Variants in PIP4K2B observed in about 807,000 individuals in gnomAD.
The protein encoded by PIP4K2B is phosphatidylinositol 5-phosphate 4-kinase type-2 beta.
A neutral mutation model predicts 42.0 loss-of-function variants in PIP4K2B; 3 were observed. That is an observed-to-expected ratio of 0.07 (90% confidence interval 0.03 to 0.18). PIP4K2B has a LOEUF of 0.18. PIP4K2B is among the 10% of genes least tolerant of loss of function. The pLI, the probability that PIP4K2B is intolerant of heterozygous loss-of-function variation, is 1.00. For missense variants in PIP4K2B, 332 were observed against 562.3 expected, an observed-to-expected ratio of 0.59 and a Z score of 4.14; for synonymous variants, 204 against 210.1, an observed-to-expected ratio of 0.97 and a Z score of 0.25.
chr17:38,774,853 G>A (rs1028809530), intron 7 of PIP4K2B, among the ~76,000 whole-genome samples: 2 of 152,158 alleles, frequency 1.3e-5, no homozygotes, highest in African/African-American at 4.8e-5. Flanking sequence ...TGTTTCTCTG[G>A]AGAACCCCAA....
intron 1 of PIP4K2B, among the ~76,000 whole-genome samples, chr17:38,794,609 T>TAAAAAAAAAAAAAAAAAAAAAAAAA (rs34374571): frequency 2.9e-5 from 1 of 34,252 alleles, no homozygotes; most frequent in African/African-American, 1.4e-4. Flanking sequence ...CCCAATTCAT[T>TAAAAAAAAAAAAAAAAAAAAAAAAA]AAAAAAAAAA....
At chr17:38,791,914 C>T (rs1022323967) in intron 1 of PIP4K2B, among the ~76,000 whole-genome samples, 1 of 150,854 alleles carries the variant, frequency 6.6e-6, no homozygotes, top group African/African-American at 2.4e-5. Flanking sequence ...ACAGTGAAAC[C>T]CCGTCTCTAC....
intron 6 of PIP4K2B, 33 bp downstream of exon 6, chr17:38,778,301 C>T (rs761087693): frequency 6.2e-6 from 10 of 1,609,898 alleles, no homozygotes; most frequent in East Asian, 4.5e-5. Flanking sequence ...TGACTCCAAG[C>T]GACCCTTCCA....
At chr17:38,772,042 A>G (rs1909076523) in intron 7 of PIP4K2B, among the ~76,000 whole-genome samples, 1 of 152,178 alleles carries the variant, frequency 6.6e-6, no homozygotes, top group African/African-American at 2.4e-5. Flanking sequence ...GTTTTAAAAA[A>G]AGAGGCCATG....
intron 7 of PIP4K2B, among the ~76,000 whole-genome samples, chr17:38,774,448 A>G (rs1353222533): frequency 6.6e-6 from 1 of 152,188 alleles, no homozygotes; most frequent in Non-Finnish European, 1.5e-5. Context: ...GTTGGTATCC[A>G]TAATCCCATG....
intron 1 of PIP4K2B, among the ~76,000 whole-genome samples, chr17:38,794,741 C>T (rs574647832): frequency 2.0e-5 from 3 of 150,144 alleles, no homozygotes; most frequent in Non-Finnish European, 4.4e-5. Context: ...ACAACAACAA[C>T]AAAAAAGATA....
At chr17:38,790,922 G>T (rs1910310059) in intron 1 of PIP4K2B, among the ~76,000 whole-genome samples, 1 of 152,086 alleles carries the variant, frequency 6.6e-6, no homozygotes, top group African/African-American at 2.4e-5. Context: ...ATCCCAGAGA[G>T]TTCTATTCCA....
At chr17:38,775,988 T>TC in intron 7 of PIP4K2B, 1 of 446,012 alleles carries the variant, frequency 2.2e-6, no homozygotes, top group Admixed American at 2.5e-5. Context: ...TCCTTTTTTT[T>TC]TTTTTATTTT....
At chr17:38,797,332 C>T (rs1041155864) in intron 1 of PIP4K2B, among the ~76,000 whole-genome samples, 3 of 152,214 alleles carry the variant, frequency 2.0e-5, no homozygotes, top group African/African-American at 7.2e-5. Context: ...ATGCATCACA[C>T]ACACTCCCAG....
intron 2 of PIP4K2B, among the ~76,000 whole-genome samples, chr17:38,786,097 C>G (rs1021282658): frequency 6.6e-6 from 1 of 152,166 alleles, no homozygotes; most frequent in African/African-American, 2.4e-5. Context: ...GGTGGGGTGA[C>G]AGAACCCAGC....
At chr17:38,794,223 G>A (rs1449302020) in intron 1 of PIP4K2B, among the ~76,000 whole-genome samples, 1 of 152,018 alleles carries the variant, frequency 6.6e-6, no homozygotes, top group African/African-American at 2.4e-5. Context: ...TCAGCTAGTC[G>A]CAGAAAAACA....
chr17:38,773,740 A>G (rs963884292), intron 7 of PIP4K2B, among the ~76,000 whole-genome samples: 1 of 152,190 alleles, frequency 6.6e-6, no homozygotes, highest in Admixed American at 6.5e-5. Flanking sequence ...TCTCCTTGGA[A>G]GAGGAAGGGA....
At chr17:38,775,095 G>A (rs962096312) in intron 7 of PIP4K2B, among the ~76,000 whole-genome samples, 2 of 151,562 alleles carry the variant, frequency 1.3e-5, no homozygotes, top group African/African-American at 4.8e-5. Flanking sequence ...GACTACAGGC[G>A]CCCACCACCA....
At chr17:38,795,099 C>CAAAAAAAAAAAAAAAAAAAAA in intron 1 of PIP4K2B, among the ~76,000 whole-genome samples, 2 of 41,498 alleles carry the variant, frequency 4.8e-5, no homozygotes, top group Middle Eastern at 0.036. Flanking sequence ...AACTCCATCT[C>CAAAAAAAAAAAAAAAAAAAAA]AAAAAAAAAA....
chr17:38,794,132 C>T (rs1039219490), intron 1 of PIP4K2B, among the ~76,000 whole-genome samples: 2 of 152,130 alleles, frequency 1.3e-5, no homozygotes, highest in African/African-American at 4.8e-5. Context: ...ACATATACAA[C>T]AGAATACTAT....
At chr17:38,795,560 G>A (rs1910612382) in intron 1 of PIP4K2B, among the ~76,000 whole-genome samples, 1 of 152,008 alleles carries the variant, frequency 6.6e-6, no homozygotes, top group African/African-American at 2.4e-5. Flanking sequence ...AGATCAGCCT[G>A]GACAACATGG....
chr17:38,777,584 A>G, intron 7 of PIP4K2B, 103 bp downstream of exon 7: 1 of 796,584 alleles, frequency 1.3e-6, no homozygotes. Flanking sequence ...CCTTTTGTCC[A>G]TACTCCTGGA....
intron 3 of PIP4K2B, 126 bp from the exon 4 acceptor site, chr17:38,780,730 G>T: frequency 1.2e-6 from 1 of 850,324 alleles, no homozygotes; most frequent in Non-Finnish European, 1.8e-6. Context: ...ACTCCCAGAT[G>T]GGAGTTTACC....
intron 3 of PIP4K2B, among the ~76,000 whole-genome samples, chr17:38,783,420 C>T (rs949948671): frequency 4.6e-5 from 7 of 152,144 alleles, no homozygotes; most frequent in Middle Eastern, 3.2e-3. Flanking sequence ...AACACTGTCA[C>T]GCCCTGAAGG....
Sources: gnomAD v4.1 joint callset for allele counts (sites outside exome capture counted in the v4.1 genomes callset) on GRCh38, gnomAD v4.1.1 for gene constraint, MANE v1.5 for transcripts, NCBI Gene and HGNC (gene_info 2026-07-23, HGNC 2026-07-21) for gene names.